The following SH3GL1 variants were observed in gnomAD, a reference collection of about 807,000 sequenced individuals.
SH3GL1 encodes endophilin-A2.
Under a neutral mutation model 48.8 loss-of-function variants are expected in SH3GL1, and 21 were observed. That is an observed-to-expected ratio of 0.43 (90% CI 0.30 to 0.62). The LOEUF is 0.62. Among genes scored for constraint, SH3GL1 ranks in the 20% least tolerant of loss-of-function variants. The probability of loss-of-function intolerance (pLI) is 0.11; values close to 1 mark genes in which losing one functional copy is unlikely to be tolerated. For missense variants in SH3GL1, 454 were observed against 503.0 expected, an observed-to-expected ratio of 0.90 and a Z score of 0.93; for synonymous variants, 282 against 217.5, an observed-to-expected ratio of 1.30 and a Z score of -2.61.
intron 1 of SH3GL1, among the ~76,000 whole-genome samples, chr19:4,391,767 G>A (rs1973341148): frequency 6.6e-6 from 1 of 152,156 alleles, no homozygotes; most frequent in African/African-American, 2.4e-5. Flanking sequence ...GCACAGCCCA[G>A]CTGGCACACA....
In SH3GL1 at chr19:4,363,527, T is replaced by C. The variant is rs1474576848; in HGVS notation, c.625-54A>G. 6.5e-6 allele frequency: 10 copies of C among 1,545,338 alleles called. No homozygotes were observed. In the African/African-American group the frequency reaches 1.2e-4, roughly 19 times the overall value. Reference sequence around the variant, plus strand: ...CTGCCAGTGCCACTGTCCTGTGCCTTCCCTGACTCCCGAGGTGAAGCCACA... The same window carrying C: ...CTGCCAGTGCCACTGTCCTGTGCCTCCCCTGACTCCCGAGGTGAAGCCACA... On this transcript the variant is annotated intron_variant, in intron 6 of 9. Transcript: ENST00000269886.
Position 4,400,232 on chromosome 19 carries a change from CCCCGGCCCCCT to C in SH3GL1, c.45+81_45+91del. 1 of 1,411,236 alleles carries C rather than the reference CCCCGGCCCCCT, an allele frequency of 7.1e-7. No individual in the cohort carries two copies. 87.4% of individuals were successfully genotyped at this position (1,411,236 alleles called of 1,614,324 possible). A position where few individuals can be genotyped will look rare whatever the true frequency, so the allele number is the denominator to read the frequency against. On this transcript the variant is annotated intron_variant, in intron 1 of 9. Coordinates refer to ENST00000269886, the MANE Select transcript of SH3GL1 (RefSeq NM_003025.4). The surrounding 1 kb of genome is among the most constrained non-coding windows in gnomAD (Gnocchi z 4.1). ...CGCGCCAACGTCCCCACCTCGGTCCCCCCGGCCCCCTCCCGGGCCAGGTCGGGCCTGGCTCC... is the reference window on the plus strand; with the variant it reads ...CGCGCCAACGTCCCCACCTCGGTCCCCCCGGGCCAGGTCGGGCCTGGCTCC...
intron 7 of SH3GL1, 129 bp downstream of exon 7, chr19:4,363,241 A>T: frequency 1.3e-6 from 1 of 754,082 alleles, no homozygotes; most frequent in Non-Finnish European, 2.2e-6. Flanking sequence ...CTTTCCACTC[A>T]GTCCCCAGGA....
chr19:4,361,319 G>T lies in SH3GL1; in HGVS notation c.*281C>A. 2.0e-6 allele frequency: 1 copy of T among 506,396 alleles called. No homozygotes were observed. The highest frequency in any genetic ancestry group is 3.5e-6 in the Non-Finnish European group (1 of 283,868). 31.4% of individuals were successfully genotyped at this position (506,396 alleles called of 1,614,324 possible). A position where few individuals can be genotyped will look rare whatever the true frequency, so the allele number is the denominator to read the frequency against. ...TGCCCCGCCTCGGCCAGCTGGGCGA[G>T]AAGTTGGGGAGCGGGGGAGGAGGCT... On this transcript the variant is annotated 3_prime_UTR_variant, in exon 10 of 10. Coordinates refer to ENST00000269886, the MANE Select transcript of SH3GL1 (RefSeq NM_003025.4).
rs1422459704 is a variant in SH3GL1, at chr19:4,361,088, T to A, written c.*512A>T. 4.2e-6 allele frequency: 1 copy of A among 235,642 alleles called. No individual in the cohort carries two copies. The highest frequency in any genetic ancestry group is 5.6e-5 in the Admixed American group (1 of 17,966). The allele number at this position is 235,642 out of a possible 1,614,324, so 14.6% of individuals were successfully genotyped here. ...AGGCGGGGGTGCATTGGCCCTGGAG[T>A]AGGGCCAGGGCCCATCACCAGCACC... On this transcript the variant is annotated 3_prime_UTR_variant, in exon 10 of 10. Coordinates refer to ENST00000269886, the MANE Select transcript of SH3GL1 (RefSeq NM_003025.4).
chr19:4,364,892 GTGTGTGTATATA>G lies in SH3GL1; in HGVS notation c.331+578_331+589del, dbSNP rs928852830. Among the ~76,000 whole-genome samples, 20 of 108,142 alleles carry G rather than the reference GTGTGTGTATATA, an allele frequency of 1.8e-4. 1 individual carries two copies. Among genetic ancestry groups the G allele is most frequent in the East Asian group, 4.9e-4 (2 of 4,086 alleles). The allele number at this position is 108,142 out of a possible 152,430, so 70.9% of individuals were successfully genotyped here. On this transcript the variant is annotated intron_variant, in intron 4 of 9. Transcript: ENST00000269886. ...TGTGTGTGTGTGTGTGTGTGTGTGTGTGTGTGTATATATATATATATATATTTTTTTTTTTTT... is the reference window on the plus strand; with the variant it reads ...TGTGTGTGTGTGTGTGTGTGTGTGTGTATATATATATATTTTTTTTTTTTT...
At chr19:4,398,089 C>A (rs1315693355) in intron 1 of SH3GL1, among the ~76,000 whole-genome samples, 1 of 152,084 alleles carries the variant, frequency 6.6e-6, no homozygotes, top group Non-Finnish European at 1.5e-5. Context: ...TCAAGGGAAC[C>A]CCTGCCTCAG....
At chr19:4,369,946 C>T (rs996494239) in intron 1 of SH3GL1, among the ~76,000 whole-genome samples, 9 of 152,260 alleles carry the variant, frequency 5.9e-5, no homozygotes, top group Admixed American at 2.6e-4. Context: ...AAAAGCAAGG[C>T]AGCCGGGCCA....
chr19:4,373,890 G>A (rs1972953259), intron 1 of SH3GL1, among the ~76,000 whole-genome samples: 1 of 152,232 alleles, frequency 6.6e-6, no homozygotes, highest in South Asian at 2.1e-4. Context: ...GCCATGGTGC[G>A]GCCCGGCCAC....
chr19:4,370,673 AG>A (rs1313709215), intron 1 of SH3GL1, among the ~76,000 whole-genome samples: 1 of 152,220 alleles, frequency 6.6e-6, no homozygotes, highest in Non-Finnish European at 1.5e-5. Flanking sequence ...CGAGCCCAAG[AG>A]GGAACAGTCT....
In SH3GL1 at chr19:4,367,161, C is replaced by A. The variant is rs936297039; in HGVS notation, c.46-167G>T. On this transcript the variant is annotated intron_variant, in intron 1 of 9. Transcript: ENST00000269886. This position sits in a 1 kb window ranked among gnomAD's most constrained non-coding sequence, Gnocchi z 4.2. ...CTGCCGTGGGCACCCCAGGGCCACA[C>A]GCTGCCTGCAGAGCAGGGTGGGCCT... Among the ~76,000 whole-genome samples, 4 of 150,836 alleles carry A rather than the reference C, an allele frequency of 2.7e-5. No individual in the cohort carries two copies. The highest frequency in any genetic ancestry group is 5.9e-5 in the Non-Finnish European group (4 of 67,672).
intron 1 of SH3GL1, among the ~76,000 whole-genome samples, chr19:4,377,615 G>A (rs1369077381): frequency 1.3e-5 from 2 of 152,222 alleles, no homozygotes; most frequent in Non-Finnish European, 2.9e-5. Flanking sequence ...CCGCGCCTGT[G>A]CACTGGGGCC....
At chr19:4,361,958 C>T (rs948650692) in intron 9 of SH3GL1, among the ~76,000 whole-genome samples, 162 bp from the exon 10 acceptor site, 5 of 151,076 alleles carry the variant, frequency 3.3e-5, no homozygotes, top group African/African-American at 1.2e-4. Context: ...GGTCCGGCCT[C>T]TACTGCCACC....
rs140684071 is a variant in SH3GL1 at position 4,364,130 on chromosome 19, G to A, written c.423C>T (p.Asp141=). The change falls in exon 5 of 10, where the codon GAC becomes GAT. Residue 141 remains aspartate (D), a synonymous_variant. Coordinates refer to ENST00000269886, the MANE Select transcript of SH3GL1 (RefSeq NM_003025.4). ...CTTTCTCGCACAGGTTCTGGAGGGG[G>A]TCAATGAAGTTCTGCTTGACCTCGA... ...LDIEVKQNFI[D]PLQNLCEKDL... 3.0e-5 allele frequency: 48 copies of A among 1,613,756 alleles called. No individual in the cohort carries two copies. In the African/African-American group the frequency reaches 4.3e-4, roughly 14 times the overall value.
chr19:4,390,922 CCAAATTAAA>C (rs1973326532), intron 1 of SH3GL1, among the ~76,000 whole-genome samples: 1 of 152,106 alleles, frequency 6.6e-6, no homozygotes, highest in South Asian at 2.1e-4. Flanking sequence ...GCAGCATGCT[CCAAATTAAA>C]CACGACGTTT....
At position 4,384,080 on chromosome 19, in the gene SH3GL1, C is replaced by A. The variant is rs150608063; in HGVS notation, c.45+16244G>T. On this transcript the variant is annotated intron_variant, in intron 1 of 9. Coordinates refer to ENST00000269886, the MANE Select transcript of SH3GL1 (RefSeq NM_003025.4). The stretch of plus-strand genomic sequence containing the variant: ...GAGTCCTGGCCCAAGCTGCCCTCTG[C>A]GACAAGGCTGGGTGCTAGGTGCTTT... Among the ~76,000 whole-genome samples the A allele has an allele frequency of 1.7e-4, 26 of 152,338 alleles. No homozygotes were observed. The South Asian group carries it at 5.2e-3, about 30-fold the overall frequency.
chr19:4,388,136 G>C (rs1157308607), intron 1 of SH3GL1, among the ~76,000 whole-genome samples: 2 of 152,180 alleles, frequency 1.3e-5, no homozygotes, highest in Non-Finnish European at 2.9e-5. Context: ...TGGGATTACA[G>C]GTGTGAGCCA....
intron 1 of SH3GL1, among the ~76,000 whole-genome samples, chr19:4,378,745 A>G (rs1973062249): frequency 6.6e-6 from 1 of 152,008 alleles, no homozygotes; most frequent in South Asian, 2.1e-4. Context: ...CAGAAACCAT[A>G]CACCACCCTA....
intron 1 of SH3GL1, among the ~76,000 whole-genome samples, chr19:4,372,966 T>C (rs190361671): frequency 6.6e-6 from 1 of 152,348 alleles, no homozygotes; most frequent in East Asian, 1.9e-4. Context: ...TGCAGGCAGC[T>C]CTGAGCTTTC....
Sources: gnomAD v4.1 joint callset for allele counts (sites outside exome capture counted in the v4.1 genomes callset) on GRCh38, gnomAD v4.1.1 for gene constraint, Gnocchi (gnomAD v3.1) non-coding constraint, MANE v1.5 for transcripts, NCBI Gene and HGNC (gene_info 2026-07-23, HGNC 2026-07-21) for gene names.